The following ETNK1 variants were observed in gnomAD, a reference collection of about 807,000 sequenced individuals.
ETNK1 encodes ethanolamine kinase 1, also known as putative protein product of Nbla10396.
Under a neutral mutation model 45.1 loss-of-function variants are expected in ETNK1, and 8 were observed. The ratio of observed to expected loss-of-function variants is 0.18; its 90% confidence interval spans 0.10 to 0.32. The LOEUF is 0.32. Among genes scored for constraint, ETNK1 ranks in the 10% least tolerant of loss-of-function variants. The pLI is 1.00. For missense variants in ETNK1, 302 were observed against 430.6 expected, an observed-to-expected ratio of 0.70 and a Z score of 2.64; for synonymous variants, 152 against 151.9, an observed-to-expected ratio of 1.00 and a Z score of -0.01.
chr12:22,645,698 AT>A (rs570709105), intron 2 of ETNK1, among the ~76,000 whole-genome samples: 3 of 150,038 alleles, frequency 2.0e-5, no homozygotes, highest in African/African-American at 4.9e-5. Context: ...CATCTCAGAC[AT>A]TTTTTTTTGG....
chr12:22,641,432 C>G (rs953592973), intron 1 of ETNK1, among the ~76,000 whole-genome samples: 3 of 152,110 alleles, frequency 2.0e-5, no homozygotes, highest in Non-Finnish European at 4.4e-5. Flanking sequence ...CTATTTTTTT[C>G]TACCTTCAGA....
chr12:22,645,847 A>G (rs1565440019), intron 2 of ETNK1, among the ~76,000 whole-genome samples: 3 of 151,862 alleles, frequency 2.0e-5, no homozygotes, highest in Non-Finnish European at 4.4e-5. Flanking sequence ...CCCATTAACC[A>G]ACTTCTTTTC....
At position 22,625,178 on chromosome 12, in the gene ETNK1, C is replaced by T. The variant is rs376719028; in HGVS notation, c.-253C>T. ...CCAGCCCCGGCATGCTCTGCGGCCG[C>T]CCGCGGTCCAGCTCCGACAACAGGA... On this transcript the variant is annotated 5_prime_UTR_variant, in exon 1 of 8. Coordinates refer to ENST00000266517, the MANE Select transcript of ETNK1 (RefSeq NM_018638.5). 1.4e-4 allele frequency: 221 copies of T among 1,599,334 alleles called. No individual in the cohort carries two copies. The African/African-American group carries it at 2.2e-3, about 16-fold the overall frequency.
intron 4 of ETNK1, among the ~76,000 whole-genome samples, chr12:22,662,287 C>T (rs927261498): frequency 4.8e-5 from 7 of 144,392 alleles, no homozygotes; most frequent in African/African-American, 1.8e-4. Context: ...AGAGTTTCAC[C>T]ATGTTGGCCA....
intron 4 of ETNK1, among the ~76,000 whole-genome samples, chr12:22,667,901 A>G (rs1386157586): frequency 6.6e-6 from 1 of 152,188 alleles, no homozygotes; most frequent in African/African-American, 2.4e-5. Flanking sequence ...GAACAGTTTA[A>G]CCAGTAGTGT....
In ETNK1 at chr12:22,625,325, G is replaced by A. The variant is rs777313600; in HGVS notation, c.-106G>A. On this transcript the variant is annotated 5_prime_UTR_variant, in exon 1 of 8. Transcript: ENST00000266517. The stretch of plus-strand genomic sequence containing the variant: ...CCGTCCCAGCGCCCCCAGCCCTCCC[G>A]CGAGGGCGCCCCGGGACGGAAGGAT... 3 of 1,596,254 alleles carry A rather than the reference G, an allele frequency of 1.9e-6. No individual in the cohort carries two copies. The highest frequency in any genetic ancestry group is 2.2e-5 in the South Asian group (2 of 89,264).
intron 2 of ETNK1, among the ~76,000 whole-genome samples, chr12:22,644,854 C>G (rs1953786747): frequency 6.6e-6 from 1 of 151,902 alleles, no homozygotes; most frequent in Middle Eastern, 3.2e-3. Flanking sequence ...AAAATAGTTT[C>G]AACTTTACAA....
intron 2 of ETNK1, among the ~76,000 whole-genome samples, chr12:22,657,795 T>C (rs1344218188): frequency 6.6e-6 from 1 of 152,192 alleles, no homozygotes; most frequent in Non-Finnish European, 1.5e-5. Context: ...ATCAGCTCTG[T>C]AGTAATGACA....
At chr12:22,677,512 T>A (rs1192926618) in intron 6 of ETNK1, among the ~76,000 whole-genome samples, 3 of 152,242 alleles carry the variant, frequency 2.0e-5, no homozygotes, top group Admixed American at 2.0e-4. Flanking sequence ...TGGTTCCATA[T>A]GAAATTTAAA....
intron 6 of ETNK1, 57 bp from the exon 7 acceptor site, chr12:22,684,426 G>A: frequency 4.3e-6 from 5 of 1,176,232 alleles, no homozygotes; most frequent in Non-Finnish European, 6.3e-6. Context: ...CAATTCATAT[G>A]TGTTTTACAG....
intron 1 of ETNK1, among the ~76,000 whole-genome samples, chr12:22,627,302 GTTTAAATCTTGGTTTCTTGTAGC>G (rs1231840841): frequency 1.3e-5 from 2 of 152,100 alleles, no homozygotes; most frequent in Non-Finnish European, 2.9e-5. Flanking sequence ...AACTACGTGT[GTTTAAATCTTGGTTTCTTGTAGC>G]AACTTTTAAC....
At chr12:22,627,904 G>A (rs1237803792) in intron 1 of ETNK1, among the ~76,000 whole-genome samples, 1 of 151,998 alleles carries the variant, frequency 6.6e-6, no homozygotes, top group Non-Finnish European at 1.5e-5. Flanking sequence ...AAAAAAACAA[G>A]CTAAAAAAGA....
chr12:22,676,507 C>A (rs1954163539), intron 6 of ETNK1, among the ~76,000 whole-genome samples: 1 of 151,988 alleles, frequency 6.6e-6, no homozygotes, highest in Non-Finnish European at 1.5e-5. Flanking sequence ...GATTTATAAT[C>A]CTTTGGGTAT....
chr12:22,684,062 A>G lies in ETNK1; in HGVS notation c.946-421A>G, dbSNP rs117813049. Among the ~76,000 whole-genome samples, 37 of 152,246 alleles carry G rather than the reference A, an allele frequency of 2.4e-4. 1 individual carries two copies. The East Asian group carries it at 6.6e-3, about 27-fold the overall frequency. ...CCCCTAGAACATTTTTCACATTTAA[A>G]TATATTTATTGCTTGTGAGATTTGG... On this transcript the variant is annotated intron_variant, in intron 6 of 7. Coordinates refer to ENST00000266517, the MANE Select transcript of ETNK1 (RefSeq NM_018638.5).
rs570239071 is a variant in ETNK1 at position 22,686,783 on chromosome 12, T to C, written c.*1829T>C. 2 of 151,942 alleles carry C rather than the reference T, an allele frequency of 1.3e-5. No individual in the cohort carries two copies. The highest frequency in any genetic ancestry group is 2.1e-4 in the South Asian group (1 of 4,824). The allele number at this position is 151,942 out of a possible 1,614,324, so 9.4% of individuals were successfully genotyped here. A position where few individuals can be genotyped will look rare whatever the true frequency, so the allele number is the denominator to read the frequency against. ...GTTAGTGTGAACTTGAAAAATTGTT[T>C]TTGGTGGAATTTTTGTCTGTGGTTA... On this transcript the variant is annotated 3_prime_UTR_variant, in exon 8 of 8. Transcript: ENST00000266517.
In ETNK1 at chr12:22,687,374, A is replaced by G. The variant is rs1010813746; in HGVS notation, c.*2420A>G. The G allele has an allele frequency of 3.3e-5, 5 of 152,292 alleles. No homozygotes were observed. Among genetic ancestry groups the G allele is most frequent in the South Asian group, 2.1e-4 (1 of 4,834 alleles). 9.4% of individuals were successfully genotyped at this position (152,292 alleles called of 1,614,324 possible). A position where few individuals can be genotyped will look rare whatever the true frequency, so the allele number is the denominator to read the frequency against. Reference sequence around the variant, plus strand: ...GTGCTAAGATGTCTGTTGCCTTTTTATGTTAAGCTAAGGAACTTGAATGCC... The same window carrying G: ...GTGCTAAGATGTCTGTTGCCTTTTTGTGTTAAGCTAAGGAACTTGAATGCC... On this transcript the variant is annotated 3_prime_UTR_variant, in exon 8 of 8. Coordinates refer to ENST00000266517, the MANE Select transcript of ETNK1 (RefSeq NM_018638.5).
chr12:22,673,504 G>A lies in ETNK1; in HGVS notation c.789G>A (p.Val263=), dbSNP rs754231436. The stretch of plus-strand genomic sequence containing the variant: ...GTAGTTTTTTTTCTTCTAAAGGTGT[G>A]AGTGATGTAGACTATAGTCTGTATC... ...IGNHFNEFAG[V]SDVDYSLYPD... The change falls in exon 6 of 8, where the codon GTG becomes GTA. Residue 263 remains valine, a synonymous_variant. Transcript: ENST00000266517. 4 of 1,594,944 alleles carry A rather than the reference G, an allele frequency of 2.5e-6. No individual in the cohort carries two copies. In the African/African-American group the frequency reaches 4.0e-5, roughly 16 times the overall value.
intron 2 of ETNK1, among the ~76,000 whole-genome samples, chr12:22,655,358 C>T (rs73080487): frequency 0.24 from 32,390 of 134,060 alleles, 4,440 homozygotes; most frequent in Non-Finnish European, 0.32. Context: ...TTTTTCGAGA[C>T]GGAGTCTCGC....
Position 22,643,834 on chromosome 12 carries a change from G to T in ETNK1, c.228G>T (p.Leu76=), listed in dbSNP as rs1191008528. 6.2e-7 allele frequency: 1 copy of T among 1,613,434 alleles called. No individual in the cohort carries two copies. Among genetic ancestry groups the T allele is most frequent in the East Asian group, 2.2e-5 (1 of 44,858 alleles). The part of the protein sequence containing the change: ...YVGNTMEDVV[L]VRIYGNKTEL... ...GAAACACCATGGAGGATGTAGTCCTGGTGAGAATTTATGGCAATAAGACTG... is the reference window on the plus strand; with the variant it reads ...GAAACACCATGGAGGATGTAGTCCTTGTGAGAATTTATGGCAATAAGACTG... The change falls in exon 2 of 8, where the codon CTG becomes CTT. Residue 76 remains leucine, a synonymous_variant. Coordinates refer to ENST00000266517, the MANE Select transcript of ETNK1 (RefSeq NM_018638.5).
Sources: allele counts gnomAD v4.1 joint callset (sites outside exome capture counted in the v4.1 genomes callset), GRCh38; gene constraint gnomAD v4.1.1; transcripts MANE v1.5; gene names NCBI Gene and HGNC (gene_info 2026-07-23, HGNC 2026-07-21).